Variants in ZFHX3 observed in about 807,000 individuals in gnomAD.
The protein encoded by ZFHX3 is zinc finger homeobox 3.
A neutral mutation model predicts 279.1 loss-of-function variants in ZFHX3; 42 were observed. That is an observed-to-expected ratio of 0.15 (90% CI 0.12 to 0.19). The LOEUF is 0.19. ZFHX3 is among the 10% of genes least tolerant of loss of function. ZFHX3 has a pLI of 1.00. For synonymous variants in ZFHX3, 2,293 were observed against 1,957.8 expected (o/e 1.17, Z -4.52); for missense variants, 4,981 against 4,754.0 (o/e 1.05, Z -1.40).
At chr16:73,373,501 G>C (rs114428567) in intron 3 of ZFHX3, among the ~76,000 whole-genome samples, 2,547 of 152,282 alleles carry the variant, frequency 0.017, 52 homozygotes, top group African/African-American at 0.049. Flanking sequence ...AGCAGATCAG[G>C]ATGTGGAAAC....
chr16:73,520,181 T>C lies in ZFHX3; in HGVS notation c.-1546-63923A>G, dbSNP rs146453426. On this transcript the variant is annotated intron_variant, in intron 2 of 17. Transcript: ENST00000641206. The stretch of plus-strand genomic sequence containing the variant: ...CCCATTTTCAAAGTGTTGCTTCAAA[T>C]CTCACTCTTAAAAAGATGTAATGGA... Among the ~76,000 whole-genome samples the C allele has an allele frequency of 3.9e-5, 6 of 152,298 alleles. No individual in the cohort carries two copies. The East Asian group carries it at 7.7e-4, about 20-fold the overall frequency.
chr16:73,619,700 C>T (rs972503510), intron 2 of ZFHX3, among the ~76,000 whole-genome samples: 6 of 151,868 alleles, frequency 4.0e-5, no homozygotes, highest in African/African-American at 9.7e-5. Context: ...GACATTCTTC[C>T]CTCCAGCTCA....
At chr16:73,600,331 T>C (rs2052098613) in intron 2 of ZFHX3, among the ~76,000 whole-genome samples, 1 of 152,106 alleles carries the variant, frequency 6.6e-6, no homozygotes, top group Non-Finnish European at 1.5e-5. Flanking sequence ...GGCACTGGAC[T>C]TGTTCTTCCC....
At chr16:73,724,864 C>T (rs1412497985) in intron 1 of ZFHX3, among the ~76,000 whole-genome samples, 1 of 152,188 alleles carries the variant, frequency 6.6e-6, no homozygotes, top group Admixed American at 6.5e-5. Context: ...TCCCCTCCTC[C>T]ACCCCTACCC....
At position 72,787,275 on chromosome 16, in the gene ZFHX3, A is replaced by T. The variant is rs1198173036; in HGVS notation, c.11001T>A (p.Asp3667Glu). 2 of 1,613,952 alleles carry T rather than the reference A, an allele frequency of 1.2e-6. No individual in the cohort carries two copies. Among genetic ancestry groups the T allele is most frequent in the Non-Finnish European group, 1.7e-6 (2 of 1,179,992 alleles). ...TDDYSEESDTDLSQKSDGPAS... is the reference protein window; with the variant it reads ...TDDYSEESDTELSQKSDGPAS... ...CCGGTCCGTCGGACTTTTGGCTGAG[A>T]TCCGTGTCAGACTCCTCCGAATAGT... The change falls in exon 10 of 10, where the codon GAT becomes GAA. Residue 3667 changes from aspartate to glutamate, a missense_variant. Asp to Glu is a conservative substitution (Grantham distance 45, BLOSUM62 2). Around this residue, in one of 7 missense-constraint regions of ZFHX3, gnomAD observed 1,034 missense variants for 786.0 expected, o/e 1.32. Coordinates refer to ENST00000268489, the MANE Select transcript of ZFHX3 (RefSeq NM_006885.4).
intron 3 of ZFHX3, among the ~76,000 whole-genome samples, chr16:73,337,101 A>G (rs1465643825): frequency 6.6e-6 from 1 of 152,134 alleles, no homozygotes; most frequent in Non-Finnish European, 1.5e-5. Context: ...CAATATCATC[A>G]TATTTCAAAA....
intron 1 of ZFHX3, among the ~76,000 whole-genome samples, chr16:73,787,855 A>AGAG (rs1959699327): frequency 1.8e-5 from 2 of 110,712 alleles, no homozygotes; most frequent in South Asian, 3.2e-4. Context: ...GTGTGTGTGA[A>AGAG]AGAGAGAGAG....
intron 2 of ZFHX3, among the ~76,000 whole-genome samples, chr16:73,591,489 C>T (rs892915074): frequency 6.6e-6 from 1 of 151,036 alleles, no homozygotes; most frequent in African/African-American, 2.4e-5. Context: ...GTCAGGAGAT[C>T]GATATCATCG....
chr16:72,889,664 C>T, intron 4 of ZFHX3, 67 bp downstream of exon 4: 7 of 1,495,866 alleles, frequency 4.7e-6, no homozygotes, highest in Non-Finnish European at 6.4e-6. Flanking sequence ...CAGAAGTCCT[C>T]TGGAGGTCTC....
intron 2 of ZFHX3, among the ~76,000 whole-genome samples, chr16:73,493,958 A>G (rs550359306): frequency 8.5e-5 from 13 of 152,194 alleles, no homozygotes; most frequent in Admixed American, 3.9e-4. Flanking sequence ...GTGGCTTTTG[A>G]AATGGCCTCA....
chr16:73,397,726 G>A (rs1006125906), intron 3 of ZFHX3, among the ~76,000 whole-genome samples: 1 of 151,822 alleles, frequency 6.6e-6, no homozygotes, highest in Admixed American at 6.6e-5. Flanking sequence ...CAGATTGGAA[G>A]TGGAGGGTGA....
chr16:73,590,450 G>A (rs893887889), intron 2 of ZFHX3, among the ~76,000 whole-genome samples: 1 of 152,298 alleles, frequency 6.6e-6, no homozygotes, highest in African/African-American at 2.4e-5. Context: ...AAGCACACAG[G>A]AACCAATTTA....
chr16:73,243,874 T>G (rs1357724404), intron 5 of ZFHX3, among the ~76,000 whole-genome samples: 3 of 152,168 alleles, frequency 2.0e-5, no homozygotes, highest in Non-Finnish European at 4.4e-5. Flanking sequence ...TAATAATAAA[T>G]GTTTTCTAAG....
At chr16:73,523,242 G>A (rs559386108) in intron 2 of ZFHX3, among the ~76,000 whole-genome samples, 6 of 152,184 alleles carry the variant, frequency 3.9e-5, no homozygotes, top group East Asian at 1.9e-4. Context: ...ATAAACACAC[G>A]AAAGCTCTTT....
intron 5 of ZFHX3, among the ~76,000 whole-genome samples, chr16:73,160,004 C>A (rs959404276): frequency 1.3e-5 from 2 of 152,168 alleles, no homozygotes; most frequent in African/African-American, 4.8e-5. Flanking sequence ...CTCAAGTGGT[C>A]CGCCTGTCTT....
intron 1 of ZFHX3, among the ~76,000 whole-genome samples, chr16:73,047,458 G>A (rs1292016086): frequency 6.6e-6 from 1 of 152,118 alleles, no homozygotes; most frequent in Non-Finnish European, 1.5e-5. Flanking sequence ...AATGACACCA[G>A]TACCACAAGT....
intron 5 of ZFHX3, among the ~76,000 whole-genome samples, chr16:73,164,630 G>A (rs990880327): frequency 3.3e-5 from 5 of 151,464 alleles, no homozygotes; most frequent in Admixed American, 3.3e-4. Context: ...AACCGGGGAG[G>A]CAGAGGCTGC....
intron 2 of ZFHX3, among the ~76,000 whole-genome samples, chr16:73,566,583 G>A (rs959198378): frequency 1.3e-5 from 2 of 151,696 alleles, no homozygotes; most frequent in Non-Finnish European, 1.5e-5. Context: ...GTCTCTGTGT[G>A]TCACACATAT....
intron 1 of ZFHX3, among the ~76,000 whole-genome samples, chr16:73,848,227 C>T (rs897646502): frequency 3.9e-5 from 6 of 151,962 alleles, no homozygotes; most frequent in Non-Finnish European, 8.8e-5. Flanking sequence ...AGACAAGGAC[C>T]AGTAGACACT....
Sources: allele counts gnomAD v4.1 joint callset (sites outside exome capture counted in the v4.1 genomes callset), GRCh38; gene constraint gnomAD v4.1.1; regional missense constraint gnomAD v4.1.1; transcripts MANE v1.5; gene names NCBI Gene and HGNC (gene_info 2026-07-23, HGNC 2026-07-21).